The following SMU1 variants were observed in gnomAD, a reference collection of about 807,000 sequenced individuals.
SMU1 encodes the protein SMU1 DNA replication regulator and spliceosomal factor, also known as WD40 repeat-containing protein SMU1.
A neutral mutation model predicts 62.0 loss-of-function variants in SMU1; 2 were observed. The observed-to-expected ratio is 0.03, with a 90% CI of 0.01 to 0.10. The LOEUF (loss-of-function observed/expected upper bound fraction) is 0.10. Among genes scored for constraint, SMU1 ranks in the 10% least tolerant of loss-of-function variants. The pLI, the probability that SMU1 is intolerant of heterozygous loss-of-function variation, is 1.00. For missense variants in SMU1, 227 were observed against 622.1 expected (o/e 0.36, Z 6.76); for synonymous variants, 188 against 212.4 (o/e 0.89, Z 1.00).
At chr9:33,071,972 A>AGATATTTT in intron 2 of SMU1, 80 bp from the exon 3 acceptor site, 1 of 1,358,608 alleles carries the variant, frequency 7.4e-7, no homozygotes, top group Non-Finnish European at 9.8e-7. Context: ...TAAAATATCT[A>AGATATTTT]ACACAGATAT....
At chr9:33,076,144 T>C (rs1839543428) in intron 1 of SMU1, among the ~76,000 whole-genome samples, 2 of 152,144 alleles carry the variant, frequency 1.3e-5, no homozygotes, top group Non-Finnish European at 2.9e-5. Context: ...TACTGAGTGA[T>C]AAACGCTAGG....
In SMU1 at chr9:33,076,672, G is replaced by A. The variant is rs939675548; in HGVS notation, c.-64C>T. ...AAGGCCAGTCGCGCAACACACCAAC[G>A]ACACCTCCGGCGGACACCTAACGTC... On this transcript the variant is annotated 5_prime_UTR_variant, in exon 1 of 12. Coordinates refer to ENST00000397149, the MANE Select transcript of SMU1 (RefSeq NM_018225.3). 8.7e-6 allele frequency: 14 copies of A among 1,610,498 alleles called. No homozygotes were observed. The East Asian group carries it at 1.3e-4, about 15-fold the overall frequency.
At chr9:33,067,992 A>G (rs1209605937) in intron 4 of SMU1, among the ~76,000 whole-genome samples, 1 of 152,220 alleles carries the variant, frequency 6.6e-6, no homozygotes. Context: ...CAACACTATT[A>G]GTAATTTTTT....
At chr9:33,070,118 T>A (rs2117865301) in intron 3 of SMU1, among the ~76,000 whole-genome samples, 1 of 151,988 alleles carries the variant, frequency 6.6e-6, no homozygotes, top group South Asian at 2.1e-4. Context: ...GAGCTCTGTC[T>A]CAAAAACAAC....
rs541933480 is a variant in SMU1 at position 33,053,391 on chromosome 9, T to C, written c.1123-101A>G. ...ACAGTTTACTAAAAAAGAATAGAAATGATTCAGGGGAAAAAAGTTTCTTAC... is the reference window on the plus strand; with the variant it reads ...ACAGTTTACTAAAAAAGAATAGAAACGATTCAGGGGAAAAAAGTTTCTTAC... On this transcript the variant is annotated intron_variant, in intron 9 of 11. Transcript: ENST00000397149. 11 of 1,212,268 alleles carry C rather than the reference T, an allele frequency of 9.1e-6. No individual in the cohort carries two copies. In the South Asian group the frequency reaches 1.4e-4, roughly 16 times the overall value. 75.1% of individuals were successfully genotyped at this position (1,212,268 alleles called of 1,614,324 possible). A position where few individuals can be genotyped will look rare whatever the true frequency, so the allele number is the denominator to read the frequency against.
intron 11 of SMU1, among the ~76,000 whole-genome samples, 183 bp from the exon 12 acceptor site, chr9:33,047,574 T>C (rs1839200317): frequency 6.6e-6 from 1 of 152,126 alleles, no homozygotes; most frequent in African/African-American, 2.4e-5. Context: ...TAATAAACTT[T>C]AGGCTGGGCG....
intron 4 of SMU1, among the ~76,000 whole-genome samples, chr9:33,063,650 G>A (rs1020921451): frequency 1.3e-5 from 2 of 152,022 alleles, no homozygotes; most frequent in Non-Finnish European, 2.9e-5. Context: ...TGTCAGATCT[G>A]CGCAGCATTA....
chr9:33,070,202 A>C (rs1170404535), intron 3 of SMU1, among the ~76,000 whole-genome samples: 1 of 152,188 alleles, frequency 6.6e-6, no homozygotes, highest in African/African-American at 2.4e-5. Context: ...CTGATAATCC[A>C]ATGTTAAAAA....
At chr9:33,057,783 C>A in intron 6 of SMU1, 69 bp from the exon 7 acceptor site, 1 of 1,592,670 alleles carries the variant, frequency 6.3e-7, no homozygotes, top group South Asian at 1.1e-5. Context: ...TACAAACTCA[C>A]AAAAACCAGG....
intron 10 of SMU1, 133 bp from the exon 11 acceptor site, chr9:33,048,391 G>T: frequency 9.2e-7 from 1 of 1,091,466 alleles, no homozygotes; most frequent in Non-Finnish European, 1.3e-6. Flanking sequence ...TAGATCTCCA[G>T]TCCTGTTCAT....
intron 3 of SMU1, among the ~76,000 whole-genome samples, chr9:33,069,547 T>A (rs1839463119): frequency 6.6e-6 from 1 of 152,214 alleles, no homozygotes; most frequent in African/African-American, 2.4e-5. Flanking sequence ...ACGCCTGTAA[T>A]CCCAACATTT....
rs752197080 is a variant in SMU1, at chr9:33,071,903, A to G, written c.238-11T>C. On this transcript the variant is annotated splice_polypyrimidine_tract_variant and intron_variant, in intron 2 of 11. Transcript: ENST00000397149. ...CAATTCCAGAACAACCTGGACAATT[A>G]AAAAAAAACAAAAAAAACCCCAGAT... 1 of 1,479,890 alleles carries G rather than the reference A, an allele frequency of 6.8e-7. No homozygotes were observed. Among genetic ancestry groups the G allele is most frequent in the African/African-American group, 1.5e-5 (1 of 68,314 alleles). 91.7% of individuals were successfully genotyped at this position (1,479,890 alleles called of 1,614,324 possible). A position where few individuals can be genotyped will look rare whatever the true frequency, so the allele number is the denominator to read the frequency against.
chr9:33,071,318 G>A (rs1443480454), intron 3 of SMU1, among the ~76,000 whole-genome samples: 1 of 152,060 alleles, frequency 6.6e-6, no homozygotes, highest in Non-Finnish European at 1.5e-5. Flanking sequence ...TGCTCTACTG[G>A]TAAGCATAAT....
intron 8 of SMU1, 121 bp from the exon 9 acceptor site, chr9:33,056,360 G>A (rs146338020): frequency 0.02 from 19,811 of 1,007,874 alleles, 320 homozygotes; most frequent in Admixed American, 0.068. Context: ...AGTGAAGAGG[G>A]CTATGTGATT....
chr9:33,042,526 C>T lies in SMU1; in HGVS notation c.*4767G>A, dbSNP rs1839137591. ...ATGTCGCTTGAGAGTGCTCTTGGAA[C>T]AGTGGCAAATTTTCTGTACGTGAAA... On this transcript the variant is annotated 3_prime_UTR_variant, in exon 12 of 12. Transcript: ENST00000397149. 6.6e-6 allele frequency: 1 copy of T among 152,236 alleles called. No individual in the cohort carries two copies. The allele number at this position is 152,236 out of a possible 1,614,324, so 9.4% of individuals were successfully genotyped here.
rs1437459044 is a variant in SMU1 at position 33,046,917 on chromosome 9, G to C, written c.*376C>G. On this transcript the variant is annotated 3_prime_UTR_variant, in exon 12 of 12. Coordinates refer to ENST00000397149, the MANE Select transcript of SMU1 (RefSeq NM_018225.3). ...CAAAAAAAAAAAAAAAGATGGAACA[G>C]AACACAGCTACTGAATATGATATAG... is the stretch of plus-strand genomic sequence containing the variant. 6.4e-6 allele frequency: 1 copy of C among 157,206 alleles called. No individual in the cohort carries two copies. Among genetic ancestry groups the C allele is most frequent in the Non-Finnish European group, 1.4e-5 (1 of 72,124 alleles). 9.7% of individuals were successfully genotyped at this position (157,206 alleles called of 1,614,324 possible).
At chr9:33,061,681 C>T (rs1256531575) in intron 5 of SMU1, among the ~76,000 whole-genome samples, 1 of 152,178 alleles carries the variant, frequency 6.6e-6, no homozygotes, top group East Asian at 1.9e-4. Context: ...TGGCACTCTG[C>T]CTGACACATA....
In SMU1 at chr9:33,056,975, A is replaced by G; in HGVS notation, c.868-11T>C. ...CTGAATCTTCCACACCTTTATTTGA[A>G]AAAAAAAAAAGAATTAAAAAAACCT... On this transcript the variant is annotated splice_polypyrimidine_tract_variant and intron_variant, in intron 7 of 11. Coordinates refer to ENST00000397149, the MANE Select transcript of SMU1 (RefSeq NM_018225.3). The G allele has an allele frequency of 8.5e-7, 1 of 1,172,712 alleles. No individual in the cohort carries two copies. The allele number at this position is 1,172,712 out of a possible 1,614,324, so 72.6% of individuals were successfully genotyped here.
chr9:33,050,399 G>C (rs898477900), intron 10 of SMU1, among the ~76,000 whole-genome samples: 1 of 151,908 alleles, frequency 6.6e-6, no homozygotes. Context: ...CAAAGAAATA[G>C]AAAACATATT....
Sources: gnomAD v4.1 joint callset for allele counts (sites outside exome capture counted in the v4.1 genomes callset) on GRCh38, gnomAD v4.1.1 for gene constraint, MANE v1.5 for transcripts, NCBI Gene and HGNC (gene_info 2026-07-23, HGNC 2026-07-21) for gene names.